Variants in TRIT1 observed in about 807,000 individuals in gnomAD.
The protein encoded by TRIT1 is tRNA dimethylallyltransferase.
In TRIT1, 43 loss-of-function variants were observed where a neutral mutation model predicts 51.2. The observed-to-expected ratio is 0.84, with a 90% confidence interval of 0.66 to 1.08. The LOEUF is 1.08. Among genes scored for constraint, TRIT1 ranks in the 50% least tolerant of loss-of-function variants. The pLI is 0.00. For missense variants in TRIT1, 528 were observed against 578.4 expected (o/e 0.91, Z 0.89); for synonymous variants, 184 against 203.9 (o/e 0.90, Z 0.83).
chr1:39,841,870 T>C lies in TRIT1; in HGVS notation c.1278A>G (p.Arg426=). The change falls in exon 11 of 11, where the codon AGA becomes AGG. Residue 426 remains arginine (R), a synonymous_variant. Transcript: ENST00000316891. ...SKSHLNQLKK[R]RRLDSDAVNT... ...TGACAGCATCTGAGTCCAATCTTCT[T>C]CTTTTCTTCAGTTGGTTCAAGTGGG... 6.2e-7 allele frequency: 1 copy of C among 1,614,106 alleles called. No homozygotes were observed. The highest frequency in any genetic ancestry group is 8.5e-7 in the Non-Finnish European group (1 of 1,179,974).
At chr1:39,882,523 C>T (rs568406848) in intron 1 of TRIT1, among the ~76,000 whole-genome samples, 1 of 152,356 alleles carries the variant, frequency 6.6e-6, no homozygotes, top group South Asian at 2.1e-4. Flanking sequence ...GAGCAAAATG[C>T]TCCCAGATGT....
At chr1:39,862,906 T>C in intron 1 of TRIT1, 1 of 985,458 alleles carries the variant, frequency 1.0e-6, no homozygotes, top group Non-Finnish European at 1.2e-6. Context: ...CTCTGCTCCA[T>C]TTCCCCTTCT....
chr1:39,858,372 A>T (rs2124625329), intron 1 of TRIT1, among the ~76,000 whole-genome samples: 1 of 152,332 alleles, frequency 6.6e-6, no homozygotes, highest in South Asian at 2.1e-4. Context: ...TCTACCACTT[A>T]CTAGTTATTC....
At chr1:39,870,371 G>A (rs916189633) in intron 1 of TRIT1, among the ~76,000 whole-genome samples, 44 of 152,114 alleles carry the variant, frequency 2.9e-4, no homozygotes, top group Non-Finnish European at 5.4e-4. Flanking sequence ...CACAAACACT[G>A]CGGAAGGCCG....
chr1:39,846,332 C>T (rs1275466321), intron 8 of TRIT1, among the ~76,000 whole-genome samples: 1 of 152,212 alleles, frequency 6.6e-6, no homozygotes, highest in Non-Finnish European at 1.5e-5. Flanking sequence ...GAGCAGAAGT[C>T]TACCAGCAAA....
chr1:39,857,419 T>C lies in TRIT1; in HGVS notation c.175-2A>G, dbSNP rs779543013. 3 of 1,608,314 alleles carry C rather than the reference T, an allele frequency of 1.9e-6. No homozygotes were observed. Among genetic ancestry groups the C allele is most frequent in the South Asian group, 1.1e-5 (1 of 90,014 alleles). ...GATGATGTCTAGGCCTTCATAGACC[T>C]AGGGGAAAGAAAATTAACATGAGAA... On this transcript the variant is annotated splice_acceptor_variant, in intron 1 of 10. Transcript: ENST00000316891. LOFTEE classifies it high-confidence loss of function.
At chr1:39,880,018 T>C (rs527848463) in intron 1 of TRIT1, among the ~76,000 whole-genome samples, 2 of 147,528 alleles carry the variant, frequency 1.4e-5, no homozygotes, top group South Asian at 4.3e-4. Context: ...CTACTAAAAA[T>C]ACAAAAATTA....
chr1:39,871,314 C>T (rs907688372), intron 1 of TRIT1, among the ~76,000 whole-genome samples: 1 of 152,148 alleles, frequency 6.6e-6, no homozygotes, highest in Non-Finnish European at 1.5e-5. Flanking sequence ...TTTTGCTGGC[C>T]AGGTGCAGTG....
chr1:39,847,693 T>C (rs1172151571), intron 6 of TRIT1, 33 bp from the exon 7 acceptor site: 4 of 1,613,992 alleles, frequency 2.5e-6, no homozygotes, highest in African/African-American at 1.3e-5. Context: ...AGATAAGCCA[T>C]TGCTCCTAAA....
chr1:39,855,820 A>G (rs536036444), intron 2 of TRIT1, among the ~76,000 whole-genome samples: 148 of 152,324 alleles, frequency 9.7e-4, no homozygotes, highest in Non-Finnish European at 1.5e-3. Flanking sequence ...TGACTGTGAT[A>G]TTGAGCAAAC....
At chr1:39,850,503 G>C (rs746180020) in intron 4 of TRIT1, among the ~76,000 whole-genome samples, 1 of 151,978 alleles carries the variant, frequency 6.6e-6, no homozygotes, top group Non-Finnish European at 1.5e-5. Flanking sequence ...TCAAAAAGGG[G>C]GCATGCAGAA....
intron 6 of TRIT1, 114 bp downstream of exon 6, chr1:39,847,871 TG>T: frequency 7.4e-7 from 1 of 1,344,530 alleles, no homozygotes; most frequent in African/African-American, 1.5e-5. Flanking sequence ...ATTAAAAAAC[TG>T]CATCTGCAAA....
At position 39,840,129 on chromosome 1, in the gene TRIT1, A is replaced by G. The variant is rs1281218413; in HGVS notation, c.*1615T>C. ...GCTGTGTGAGAAGATAACATATAAA[A>G]ACGACTTGGCACTGCTTGGCTCACA... is the stretch of plus-strand genomic sequence containing the variant. On this transcript the variant is annotated 3_prime_UTR_variant, in exon 11 of 11. Transcript: ENST00000316891. 6.6e-6 allele frequency among the ~76,000 whole-genome samples: 1 copy of G among 151,776 alleles called. No homozygotes were observed. Among genetic ancestry groups the G allele is most frequent in the African/African-American group, 2.4e-5 (1 of 41,366 alleles).
intron 1 of TRIT1, among the ~76,000 whole-genome samples, chr1:39,871,897 A>C (rs1372722623): frequency 6.6e-6 from 1 of 152,064 alleles, no homozygotes; most frequent in Non-Finnish European, 1.5e-5. Flanking sequence ...ATATGTATGC[A>C]AAAAATTTTT....
intron 1 of TRIT1, among the ~76,000 whole-genome samples, chr1:39,880,068 G>A (rs369513664): frequency 6.6e-5 from 10 of 151,538 alleles, no homozygotes; most frequent in South Asian, 4.2e-4. Context: ...CTAGCTGCTC[G>A]GGAGGCTGAG....
At chr1:39,843,732 C>T (rs773518622) in intron 10 of TRIT1, among the ~76,000 whole-genome samples, 51 of 152,298 alleles carry the variant, frequency 3.3e-4, no homozygotes, top group Non-Finnish European at 6.2e-4. Flanking sequence ...GGATGAGCTG[C>T]CTGGCTTCCC....
At chr1:39,875,703 T>A (rs1230365672) in intron 1 of TRIT1, among the ~76,000 whole-genome samples, 1 of 152,122 alleles carries the variant, frequency 6.6e-6, no homozygotes, top group Non-Finnish European at 1.5e-5. Context: ...TGTTCTTTTG[T>A]CAGTAATATT....
chr1:39,851,765 A>C (rs2124603704), intron 4 of TRIT1, among the ~76,000 whole-genome samples: 1 of 151,822 alleles, frequency 6.6e-6, no homozygotes. Flanking sequence ...CAACACAGCA[A>C]AACATCTCTA....
At chr1:39,875,194 A>G (rs116709746) in intron 1 of TRIT1, among the ~76,000 whole-genome samples, 2,506 of 152,164 alleles carry the variant, frequency 0.016, 65 homozygotes, top group African/African-American at 0.056. Context: ...GTTACTTCAT[A>G]AAATAGATTT....
Sources: gnomAD v4.1 joint callset for allele counts (sites outside exome capture counted in the v4.1 genomes callset) on GRCh38, gnomAD v4.1.1 for gene constraint, MANE v1.5 for transcripts, NCBI Gene and HGNC (gene_info 2026-07-23, HGNC 2026-07-21) for gene names.